The following MGA variants were observed in gnomAD, a reference collection of about 807,000 sequenced individuals.
MGA encodes MAX gene-associated protein.
In MGA, 40 loss-of-function variants were observed where a neutral mutation model predicts 261.1. The observed-to-expected ratio is 0.15, with a 90% CI of 0.12 to 0.20. The LOEUF (loss-of-function observed/expected upper bound fraction) is 0.20. Ranked by LOEUF, MGA falls within the 10% of genes least tolerant of loss-of-function variation. The pLI is 1.00. For missense variants in MGA, 3,397 were observed against 3,630.5 expected, an observed-to-expected ratio of 0.94 and a Z score of 1.65; for synonymous variants, 1,302 against 1,290.6, an observed-to-expected ratio of 1.01 and a Z score of -0.19.
At chr15:41,637,046 G>T (rs551585001) in intron 1 of MGA, among the ~76,000 whole-genome samples, 1 of 152,182 alleles carries the variant, frequency 6.6e-6, no homozygotes, top group South Asian at 2.1e-4. Context: ...GGGCGGGGGT[G>T]GTAAAGGTCG....
At chr15:41,695,306 A>G (rs2059501639) in intron 2 of MGA, among the ~76,000 whole-genome samples, 1 of 151,716 alleles carries the variant, frequency 6.6e-6, no homozygotes, top group South Asian at 2.1e-4. Flanking sequence ...ATTCTGCCTC[A>G]GCCTCTTGAG....
In MGA at chr15:41,727,204, A is replaced by G; in HGVS notation, c.3455A>G (p.Gln1152Arg). ...GCTATATGTGAGACAGAGCCTGAACAGCCTGTTCGACATTACCCATTATGG... is the reference window on the plus strand; with the variant it reads ...GCTATATGTGAGACAGAGCCTGAACGGCCTGTTCGACATTACCCATTATGG... Residue 1152 changes from glutamine to arginine, a missense_variant, in exon 10 of 24, where the codon CAG (glutamine) becomes CGG (arginine). By Grantham distance (43) the Gln-to-Arg change is conservative. This residue lies in a region of MGA where 519 missense variants were observed against 554.1 expected (regional missense o/e 0.94). Coordinates refer to ENST00000219905, the MANE Select transcript of MGA (RefSeq NM_001164273.2). 6.2e-7 allele frequency: 1 copy of G among 1,613,870 alleles called. No individual in the cohort carries two copies. The highest frequency in any genetic ancestry group is 8.5e-7 in the Non-Finnish European group (1 of 1,179,850).
At chr15:41,653,338 C>T (rs1386909256) in intron 1 of MGA, among the ~76,000 whole-genome samples, 2 of 151,032 alleles carry the variant, frequency 1.3e-5, no homozygotes, top group African/African-American at 4.9e-5. Flanking sequence ...CATTGCACTC[C>T]AGCCTGGGTG....
intron 1 of MGA, among the ~76,000 whole-genome samples, chr15:41,628,247 C>T (rs1312720959): frequency 6.6e-6 from 1 of 151,776 alleles, no homozygotes; most frequent in Non-Finnish European, 1.5e-5. Context: ...GTGGTGCACG[C>T]CTGTAGTCCT....
intron 13 of MGA, among the ~76,000 whole-genome samples, chr15:41,739,684 A>G (rs1214517515): frequency 1.3e-5 from 2 of 152,236 alleles, no homozygotes; most frequent in Non-Finnish European, 2.9e-5. Context: ...TTTTCAAACT[A>G]CAATATGAAG....
chr15:41,692,247 G>A lies in MGA; in HGVS notation c.1065-3828G>A, dbSNP rs139657976. On this transcript the variant is annotated intron_variant, in intron 2 of 23. Coordinates refer to ENST00000219905, the MANE Select transcript of MGA (RefSeq NM_001164273.2). ...GTCTCCTATCCCTGGCAGGACCTTA[G>A]GACCTAAGCATTGGTAGACTACATG... is the stretch of plus-strand genomic sequence containing the variant. Among the ~76,000 whole-genome samples, 221 of 152,224 alleles carry A rather than the reference G, an allele frequency of 1.5e-3. 1 individual carries two copies. Among genetic ancestry groups the A allele is most frequent in the African/African-American group, 5.1e-3 (212 of 41,548 alleles).
intron 10 of MGA, among the ~76,000 whole-genome samples, chr15:41,728,922 CA>C (rs1252741093): frequency 1.3e-5 from 2 of 152,066 alleles, no homozygotes; most frequent in Non-Finnish European, 2.9e-5. Flanking sequence ...TATCCTTCAC[CA>C]TAGATAATTT....
rs1203427686 is a variant in MGA at position 41,683,870 on chromosome 15, C to G, written c.1065-12205C>G. ...TGCTGGGATTACAGGCGTGACCCAC[C>G]GTGCATGGCCTAAGCACCAGTTTTG... On this transcript the variant is annotated intron_variant, in intron 2 of 23. Coordinates refer to ENST00000219905, the MANE Select transcript of MGA (RefSeq NM_001164273.2). 2.6e-5 allele frequency among the ~76,000 whole-genome samples: 4 copies of G among 151,990 alleles called. No individual in the cohort carries two copies. The East Asian group carries it at 5.8e-4, about 22-fold the overall frequency.
At chr15:41,740,682 A>G (rs575496331) in intron 14 of MGA, among the ~76,000 whole-genome samples, 1 of 152,294 alleles carries the variant, frequency 6.6e-6, no homozygotes, top group East Asian at 1.9e-4. Context: ...TGCTGGTGCT[A>G]TGTAAATGCT....
chr15:41,710,817 C>T lies in MGA; in HGVS notation c.2552C>T (p.Ser851Phe). ...GGTTTTTCTTCTAATGCTCCCACAT[C>T]TCCTGTGGTGTACCAGCTTCCCACT... Residue 851 changes from serine to phenylalanine, a missense_variant, in exon 8 of 24, where the codon TCT (serine) becomes TTT (phenylalanine). By Grantham distance (155) the Ser-to-Phe change is radical. This residue lies in a region of MGA where 519 missense variants were observed against 554.1 expected (regional missense o/e 0.94). Coordinates refer to ENST00000219905, the MANE Select transcript of MGA (RefSeq NM_001164273.2). 3 of 1,613,982 alleles carry T rather than the reference C, an allele frequency of 1.9e-6. No homozygotes were observed. The highest frequency in any genetic ancestry group is 2.2e-5 in the South Asian group (2 of 91,080).
intron 11 of MGA, among the ~76,000 whole-genome samples, chr15:41,730,050 G>A (rs557303663): frequency 7.7e-4 from 117 of 152,032 alleles, no homozygotes; most frequent in African/African-American, 2.6e-3. Context: ...CTGCCACCAC[G>A]TCTGGCTAAT....
chr15:41,661,801 G>C (rs980380516), intron 1 of MGA, among the ~76,000 whole-genome samples: 2 of 152,124 alleles, frequency 1.3e-5, no homozygotes, highest in African/African-American at 4.8e-5. Context: ...TGGGGGCGGC[G>C]TGACGGCTGC....
chr15:41,731,859 AG>A (rs1355901196), intron 11 of MGA, among the ~76,000 whole-genome samples: 2 of 152,170 alleles, frequency 1.3e-5, no homozygotes, highest in African/African-American at 2.4e-5. Flanking sequence ...AACACGAATA[AG>A]GGTTTCTTGT....
chr15:41,659,030 A>G (rs923672104), upstream of MGA, among the ~76,000 whole-genome samples: 2 of 152,200 alleles, frequency 1.3e-5, no homozygotes, highest in Non-Finnish European at 2.9e-5. Flanking sequence ...CTGACAGGGC[A>G]GCTTGTAGGA....
Position 41,740,221 on chromosome 15 carries a change from T to TA in MGA, c.4585+19dup. The TA allele has an allele frequency of 6.2e-7, 1 of 1,612,078 alleles. No homozygotes were observed. The highest frequency in any genetic ancestry group is 8.5e-7 in the Non-Finnish European group (1 of 1,178,762). On this transcript the variant is annotated intron_variant, in intron 14 of 23. Coordinates refer to ENST00000219905, the MANE Select transcript of MGA (RefSeq NM_001164273.2). Reference sequence around the variant, plus strand: ...GCCAATTGGTAAGTTGGGGTGTATGTATGGTTTGGAAAGGCCTATGACTTG... The same window carrying TA: ...GCCAATTGGTAAGTTGGGGTGTATGTAATGGTTTGGAAAGGCCTATGACTTG...
In MGA at chr15:41,727,363, G is replaced by A. The variant is rs1230873007; in HGVS notation, c.3614G>A (p.Gly1205Glu). The A allele has an allele frequency of 6.2e-6, 10 of 1,613,850 alleles. No individual in the cohort carries two copies. The East Asian group carries it at 2.2e-4, about 36-fold the overall frequency. ...ACTGTGAAGGGCAAACTGCTCACTG[G>A]AATTAAATCTCCACGGTCATATACT... Residue 1205 changes from glycine (G) to glutamate (E), a missense_variant, in exon 10 of 24, where the codon GGA becomes GAA. This residue lies in a region of MGA where 519 missense variants were observed against 554.1 expected (regional missense o/e 0.94). Transcript: ENST00000219905.
chr15:41,621,265 C>T (rs951182029), exon 1 of MGA: 2 of 152,306 alleles, frequency 1.3e-5, no homozygotes, highest in East Asian at 1.9e-4. Flanking sequence ...GGCGATGGTT[C>T]CCGGCTCCTG....
intron 9 of MGA, among the ~76,000 whole-genome samples, chr15:41,719,886 A>G (rs543395264): frequency 6.6e-6 from 1 of 152,230 alleles, no homozygotes; most frequent in Non-Finnish European, 1.5e-5. Context: ...TGTATAACGG[A>G]TTAAATGAGA....
chr15:41,730,309 GGCCCCTGTAATCCCA>G (rs1278062206), intron 11 of MGA, among the ~76,000 whole-genome samples: 1 of 151,874 alleles, frequency 6.6e-6, no homozygotes, highest in African/African-American at 2.4e-5. Context: ...TGTGGTGGTG[GGCCCCTGTAATCCCA>G]GCTATTCGGG....
Sources: allele counts gnomAD v4.1 joint callset (sites outside exome capture counted in the v4.1 genomes callset), GRCh38; gene constraint gnomAD v4.1.1; regional missense constraint gnomAD v4.1.1; transcripts MANE v1.5; gene names NCBI Gene and HGNC (gene_info 2026-07-23, HGNC 2026-07-21).